Variants in STARD13 observed in about 807,000 individuals in gnomAD.
STARD13 encodes stAR-related lipid transfer protein 13.
A neutral mutation model predicts 106.4 loss-of-function variants in STARD13; 62 were observed. That is an observed-to-expected ratio of 0.58 (90% CI 0.48 to 0.72). STARD13 has a LOEUF of 0.72. STARD13 is among the 30% of genes least tolerant of loss of function. The pLI is 0.00. For missense variants in STARD13, 1,387 were observed against 1,424.0 expected, an observed-to-expected ratio of 0.97 and a Z score of 0.42; for synonymous variants, 565 against 553.0, an observed-to-expected ratio of 1.02 and a Z score of -0.31.
intron 1 of STARD13, chr13:33,205,988 C>T (rs1887391730): frequency 1.0e-6 from 1 of 985,276 alleles, no homozygotes; most frequent in Non-Finnish European, 1.2e-6. Flanking sequence ...TTCCTCTGTG[C>T]TTGGCTGTTG....
At chr13:33,363,054 A>G in the STARD13 span, among the ~76,000 whole-genome samples, 2 of 152,060 alleles carry the variant, frequency 1.3e-5, no homozygotes, top group East Asian at 1.9e-4. Context: ...ACTCCACTTC[A>G]CCCATCTACT....
the STARD13 span, among the ~76,000 whole-genome samples, chr13:33,356,342 T>A: frequency 1.3e-5 from 2 of 152,246 alleles, no homozygotes; most frequent in Non-Finnish European, 2.9e-5. Flanking sequence ...CATAGAGTAG[T>A]TTGAGACCTC....
chr13:33,114,581 T>C (rs1466554086), intron 8 of STARD13, among the ~76,000 whole-genome samples: 6 of 152,204 alleles, frequency 3.9e-5, no homozygotes, highest in African/African-American at 7.2e-5. Flanking sequence ...ATGGTACTAA[T>C]GATCTGAAGC....
chr13:33,552,107 T>G, the STARD13 span, among the ~76,000 whole-genome samples: 3 of 152,198 alleles, frequency 2.0e-5, no homozygotes, highest in African/African-American at 7.2e-5. Flanking sequence ...ATAGAAAAGT[T>G]ATATATATAC....
chr13:33,608,852 C>A, the STARD13 span, among the ~76,000 whole-genome samples: 2,394 of 152,056 alleles, frequency 0.016, 74 homozygotes, highest in African/African-American at 0.054. Context: ...TTTGGGAGGC[C>A]GAGGCGGGAG....
At chr13:33,400,406 T>TTGCC in the STARD13 span, among the ~76,000 whole-genome samples, 1 of 152,334 alleles carries the variant, frequency 6.6e-6, no homozygotes, top group East Asian at 1.9e-4. Flanking sequence ...TTTCCATATC[T>TTGCC]TGCCTGTGGC....
intron 1 of STARD13, among the ~76,000 whole-genome samples, chr13:33,196,021 A>G (rs1886591504): frequency 6.6e-6 from 1 of 152,232 alleles, no homozygotes; most frequent in South Asian, 2.1e-4. Context: ...TCTCCAAAAT[A>G]GGGTTCAGAT....
intron 1 of STARD13, among the ~76,000 whole-genome samples, chr13:33,307,407 C>T (rs1892951013): frequency 6.6e-6 from 1 of 152,172 alleles, no homozygotes. Context: ...ATGGAATTAA[C>T]CCAAATGTCC....
intron 7 of STARD13, among the ~76,000 whole-genome samples, chr13:33,123,838 C>T (rs925830771): frequency 7.9e-5 from 12 of 152,324 alleles, no homozygotes; most frequent in Middle Eastern, 6.8e-3. Context: ...GGGCCCATCG[C>T]ACTGCAGGAA....
the STARD13 span, among the ~76,000 whole-genome samples, chr13:33,589,061 C>T: frequency 1.1e-4 from 16 of 152,172 alleles, no homozygotes; most frequent in Non-Finnish European, 2.4e-4. Context: ...TCTGACCAAT[C>T]ATTTACACAT....
At chr13:33,152,143 A>T (rs967015963) in intron 3 of STARD13, among the ~76,000 whole-genome samples, 2 of 152,228 alleles carry the variant, frequency 1.3e-5, no homozygotes, top group Non-Finnish European at 1.5e-5. Context: ...AAAGTCAATC[A>T]TCCAGGGGAA....
chr13:33,194,616 A>G (rs1310845462), intron 1 of STARD13, among the ~76,000 whole-genome samples: 1 of 152,230 alleles, frequency 6.6e-6, no homozygotes, highest in Non-Finnish European at 1.5e-5. Flanking sequence ...CATGTTTTTT[A>G]ATAGAAAACT....
chr13:33,166,254 T>G (rs777486931), intron 2 of STARD13, among the ~76,000 whole-genome samples: 16 of 152,182 alleles, frequency 1.1e-4, no homozygotes, highest in Non-Finnish European at 2.2e-4. Context: ...GTGAGTGACT[T>G]ACAGATGGTT....
chr13:33,658,856 G>C, the STARD13 span, among the ~76,000 whole-genome samples: 1 of 152,140 alleles, frequency 6.6e-6, no homozygotes, highest in South Asian at 2.1e-4. Flanking sequence ...GAAGAGGAGA[G>C]GTGCTAGAGG....
At chr13:33,551,689 C>T in the STARD13 span, among the ~76,000 whole-genome samples, 2 of 137,884 alleles carry the variant, frequency 1.5e-5, no homozygotes, top group Admixed American at 8.2e-5. Flanking sequence ...ACCTCCACCT[C>T]CTGGATTCAA....
chr13:33,348,848 G>A (rs929786346), exon 2 of STARD13: 1 of 350,354 alleles, frequency 2.9e-6, no homozygotes, highest in Admixed American at 3.7e-5. Flanking sequence ...ACTAAATGTG[G>A]CCACTGTGTT....
chr13:33,229,609 A>T (rs1336781603), intron 1 of STARD13, among the ~76,000 whole-genome samples: 2 of 152,358 alleles, frequency 1.3e-5, no homozygotes, highest in East Asian at 3.9e-4. Context: ...GCACGCGTGC[A>T]CACACACCAC....
chr13:33,523,898 C>G, the STARD13 span, among the ~76,000 whole-genome samples: 4 of 152,004 alleles, frequency 2.6e-5, no homozygotes. Context: ...AAACATAGTT[C>G]AAGGAGATTT....
At chr13:33,228,037 T>G (rs1294379907) in intron 1 of STARD13, among the ~76,000 whole-genome samples, 1 of 152,124 alleles carries the variant, frequency 6.6e-6, no homozygotes, top group Non-Finnish European at 1.5e-5. Flanking sequence ...GGAAGGGAGA[T>G]GCAAATAAAA....
Sources: gnomAD v4.1 joint callset for allele counts (sites outside exome capture counted in the v4.1 genomes callset) on GRCh38, gnomAD v4.1.1 for gene constraint, MANE v1.5 for transcripts, NCBI Gene and HGNC (gene_info 2026-07-23, HGNC 2026-07-21) for gene names.